GATA5: variants seen among roughly 807,000 people sequenced by gnomAD.
GATA5 encodes transcription factor GATA-5.
GATA5 carries 27 observed loss-of-function variants against 35.0 expected under a neutral mutation model. The observed-to-expected ratio is 0.77, with a 90% CI of 0.57 to 1.06. The LOEUF (loss-of-function observed/expected upper bound fraction) is 1.06. GATA5 is among the 50% of genes least tolerant of loss of function. The pLI, the probability that GATA5 is intolerant of heterozygous loss-of-function variation, is 0.00. For missense variants in GATA5, 612 were observed against 580.0 expected, an observed-to-expected ratio of 1.06 and a Z score of -0.57; for synonymous variants, 306 against 267.8, an observed-to-expected ratio of 1.14 and a Z score of -1.39.
chr20:62,465,028 GC>G, intron 6 of GATA5, 37 bp from the exon 7 acceptor site: 2 of 1,204,276 alleles, frequency 1.7e-6, no homozygotes, highest in Non-Finnish European at 1.2e-6. Flanking sequence ...GTGGGGTGGG[GC>G]GTGGGGCGTG....
intron 3 of GATA5, 37 bp from the exon 4 acceptor site, chr20:62,466,588 CG>C (rs1381060341): frequency 1.3e-6 from 2 of 1,532,946 alleles, no homozygotes; most frequent in East Asian, 4.9e-5. Context: ...AGCCCCGGGC[CG>C]GGTGCGCGGC....
intron 3 of GATA5, among the ~76,000 whole-genome samples, chr20:62,471,432 A>ATATTTTTTTTTTTTTTTT (rs1555896518): frequency 6.1e-5 from 5 of 81,744 alleles, no homozygotes; most frequent in Admixed American, 2.8e-4. Flanking sequence ...TTCAATTACA[A>ATATTTTTTTTTTTTTTTT]TTTTTTTTTT....
chr20:62,465,521 C>T (rs1989562568), intron 5 of GATA5, 57 bp from the exon 6 acceptor site: 2 of 1,563,680 alleles, frequency 1.3e-6, no homozygotes, highest in East Asian at 2.3e-5. Context: ...ACTTCCCCTT[C>T]CTGCCATGTA....
At chr20:62,474,195 G>A (rs1457333759) in intron 2 of GATA5, among the ~76,000 whole-genome samples, 8 of 152,230 alleles carry the variant, frequency 5.3e-5, no homozygotes, top group African/African-American at 1.9e-4. Context: ...GCCGGGCTTC[G>A]CACACTGTGC....
chr20:62,465,294 A>G, intron 6 of GATA5, 46 bp downstream of exon 6: 3 of 1,551,698 alleles, frequency 1.9e-6, no homozygotes, highest in Non-Finnish European at 2.6e-6. Flanking sequence ...CGGAGGAAGC[A>G]CAGGGGCCCC....
chr20:62,472,894 C>A lies in GATA5; in HGVS notation c.699+509G>T, dbSNP rs73149282. 1.6e-3 allele frequency among the ~76,000 whole-genome samples: 244 copies of A among 152,190 alleles called. 1 individual carries two copies. The highest frequency in any genetic ancestry group is 5.5e-3 in the African/African-American group (229 of 41,520). Reference sequence around the variant, plus strand: ...TGAAATATGGGTAGAAAGTGCTCCCCGAGGGGACTACAGACCCAAAGACTC... The same window carrying A: ...TGAAATATGGGTAGAAAGTGCTCCCAGAGGGGACTACAGACCCAAAGACTC... On this transcript the variant is annotated intron_variant, in intron 3 of 6. Transcript: ENST00000252997.
Position 62,473,552 on chromosome 20 carries a change from C to G in GATA5, c.550G>C (p.Gly184Arg), listed in dbSNP as rs782773387. ...FVSDFLEEFP[G>R]EGRECVNCGA... is the part of the protein sequence containing the mutation. ...CAGTTGACACACTCACGACCCTCACCCGGGAACTCCTCCAAGAAGTCGGAC... is the reference window on the plus strand; with the variant it reads ...CAGTTGACACACTCACGACCCTCACGCGGGAACTCCTCCAAGAAGTCGGAC... The change falls in exon 3 of 7, where the codon GGT (glycine) becomes CGT (arginine). Residue 184 changes from glycine to arginine, a missense_variant. By Grantham distance (125) the Gly-to-Arg change is moderately radical. Transcript: ENST00000252997. 60 of 1,601,828 alleles carry G rather than the reference C, an allele frequency of 3.7e-5. No homozygotes were observed. Among genetic ancestry groups the G allele is most frequent in the African/African-American group, 1.3e-4 (10 of 74,744 alleles).
At position 62,466,536 on chromosome 20, in the gene GATA5, C is replaced by A. The variant is rs139687383; in HGVS notation, c.715G>T (p.Ala239Ser). 6.4e-7 allele frequency: 1 copy of A among 1,552,964 alleles called. No homozygotes were observed. The highest frequency in any genetic ancestry group is 8.7e-7 in the Non-Finnish European group (1 of 1,148,924). The stretch of plus-strand genomic sequence containing the variant: ...TGGCAGTTGGTGCAGCAGAGGCCGG[C>A]GCGGCGGGACGAGGACTGTGGGGGC... ...PQKRLSSSRR[A>S]GLCCTNCHTT... Residue 239 changes from alanine (A) to serine (S), a missense_variant, in exon 4 of 7, where the codon GCC becomes TCC. Physicochemically the swap from Ala to Ser is moderately conservative, Grantham distance 99 (BLOSUM62 1). Coordinates refer to ENST00000252997, the MANE Select transcript of GATA5 (RefSeq NM_080473.5).
chr20:62,475,377 A>G lies in GATA5; in HGVS notation c.145T>C (p.Cys49Arg). Residue 49 changes from cysteine to arginine, a missense_variant, in exon 2 of 7, where the codon TGT becomes CGT. Cys to Arg is a radical substitution (Grantham distance 180, BLOSUM62 -3). Coordinates refer to ENST00000252997, the MANE Select transcript of GATA5 (RefSeq NM_080473.5). ...VPSMLSYLSG[C>R]EPSPQPPELA... ...TCGGGGGGCTGCGGGCTCGGCTCAC[A>G]CCCGGACAGGTAGGACAGCATCGAG... 1 of 1,314,032 alleles carries G rather than the reference A, an allele frequency of 7.6e-7. No homozygotes were observed. The highest frequency in any genetic ancestry group is 9.7e-7 in the Non-Finnish European group (1 of 1,032,776). 81.4% of individuals were successfully genotyped at this position (1,314,032 alleles called of 1,614,324 possible).
Position 62,475,144 on chromosome 20 carries a change from G to C in GATA5, c.378C>G (p.Phe126Leu), listed in dbSNP as rs782141667. 4 of 1,357,130 alleles carry C rather than the reference G, an allele frequency of 2.9e-6. No homozygotes were observed. Among genetic ancestry groups the C allele is most frequent in the African/African-American group, 3.1e-5 (2 of 65,530 alleles). The allele number at this position is 1,357,130 out of a possible 1,614,324, so 84.1% of individuals were successfully genotyped here. The part of the protein sequence containing the change: ...YQGALLPREQ[F>L]AAPLGRPVGT... The stretch of plus-strand genomic sequence containing the variant: ...CCACCGGCCGCCCAAGCGGGGCCGC[G>C]AACTGTTCTCGAGGCAACAGCGCGC... Residue 126 changes from phenylalanine (F) to leucine (L), a missense_variant, in exon 2 of 7, where the codon TTC becomes TTG. Transcript: ENST00000252997.
chr20:62,475,160 A>G lies in GATA5; in HGVS notation c.362T>C (p.Leu121Ser). The stretch of plus-strand genomic sequence containing the variant: ...CGGGGCCGCGAACTGTTCTCGAGGC[A>G]ACAGCGCGCCCTGGTAGGCACTGCC... ...RDGSAYQGAL[L>S]PREQFAAPLG... Residue 121 changes from leucine to serine, a missense_variant, in exon 2 of 7, where the codon TTG becomes TCG. Physicochemically the swap from Leu to Ser is moderately radical, Grantham distance 145. Transcript: ENST00000252997. 3 of 1,310,982 alleles carry G rather than the reference A, an allele frequency of 2.3e-6. No individual in the cohort carries two copies. Among genetic ancestry groups the G allele is most frequent in the Non-Finnish European group, 2.9e-6 (3 of 1,026,096 alleles). 81.2% of individuals were successfully genotyped at this position (1,310,982 alleles called of 1,614,324 possible).
At chr20:62,469,757 C>T (rs572536982) in intron 3 of GATA5, among the ~76,000 whole-genome samples, 1 of 152,256 alleles carries the variant, frequency 6.6e-6, no homozygotes, top group African/African-American at 2.4e-5. Context: ...TTTCAAAGTG[C>T]GTCTTCACCT....
chr20:62,464,768 A>G lies in GATA5; in HGVS notation c.*68T>C. On this transcript the variant is annotated 3_prime_UTR_variant, in exon 7 of 7. Coordinates refer to ENST00000252997, the MANE Select transcript of GATA5 (RefSeq NM_080473.5). ...GGTCTCTGCTGTGCTGGAGCAAAGC[A>G]GGCACGGAGGTGACTCAGTGGGTGG... 1.5e-6 allele frequency: 2 copies of G among 1,365,636 alleles called. No homozygotes were observed. Among genetic ancestry groups the G allele is most frequent in the Non-Finnish European group, 2.0e-6 (2 of 1,010,984 alleles). The allele number at this position is 1,365,636 out of a possible 1,614,324, so 84.6% of individuals were successfully genotyped here. A position where few individuals can be genotyped will look rare whatever the true frequency, so the allele number is the denominator to read the frequency against.
At chr20:62,474,262 G>A (rs1989796268) in intron 2 of GATA5, among the ~76,000 whole-genome samples, 1 of 152,212 alleles carries the variant, frequency 6.6e-6, no homozygotes. Flanking sequence ...GCCGGCGCGA[G>A]GGAGGCCCGG....
chr20:62,472,756 G>C (rs1555896688), intron 3 of GATA5, among the ~76,000 whole-genome samples: 1 of 152,198 alleles, frequency 6.6e-6, no homozygotes, highest in Admixed American at 6.5e-5. Flanking sequence ...AAAAGTCCAG[G>C]CTCCGGAGTC....
intron 3 of GATA5, among the ~76,000 whole-genome samples, chr20:62,467,201 C>T (rs1206612455): frequency 6.6e-6 from 1 of 152,216 alleles, no homozygotes; most frequent in Non-Finnish European, 1.5e-5. Context: ...ATCAGAGGTC[C>T]CAAACCTCCA....
At chr20:62,466,399 C>A in intron 4 of GATA5, 27 bp downstream of exon 4, 1 of 1,558,376 alleles carries the variant, frequency 6.4e-7, no homozygotes, top group South Asian at 1.2e-5. Context: ...AGAGGCCTCC[C>A]CGCCCTGCCC....
Position 62,475,039 on chromosome 20 carries a change from G to A in GATA5, c.483C>T (p.Gly161=). 7.1e-7 allele frequency: 1 copy of A among 1,403,460 alleles called. No individual in the cohort carries two copies. Among genetic ancestry groups the A allele is most frequent in the Non-Finnish European group, 9.3e-7 (1 of 1,073,516 alleles). 86.9% of individuals were successfully genotyped at this position (1,403,460 alleles called of 1,614,324 possible). Residue 161 remains glycine (G), a synonymous_variant, in exon 2 of 7, where the codon GGC becomes GGT. Transcript: ENST00000252997. The part of the protein sequence containing the change: ...AQSWTAGPFD[G]SVLHGLPGRR... ...GGCCTGGGAGGCCGTGCAGGACGCT[G>A]CCATCGAAGGGCCCGGCAGTCCAGG...
chr20:62,465,017 TGTGGGGTGGGGC>T, intron 6 of GATA5, 26 bp from the exon 7 acceptor site: 1 of 1,014,208 alleles, frequency 9.9e-7, no homozygotes, highest in Non-Finnish European at 1.3e-6. Flanking sequence ...AGCGTGAGAA[TGTGGGGTGGGGC>T]GTGGGGCGTG....
Sources: allele counts gnomAD v4.1 joint callset (sites outside exome capture counted in the v4.1 genomes callset), GRCh38; gene constraint gnomAD v4.1.1; transcripts MANE v1.5; gene names NCBI Gene and HGNC (gene_info 2026-07-23, HGNC 2026-07-21).